L3MBTL4: variants seen among roughly 807,000 people sequenced by gnomAD.
The protein encoded by L3MBTL4 is L3MBTL histone methyl-lysine binding protein 4.
A neutral mutation model predicts 84.5 loss-of-function variants in L3MBTL4; 70 were observed. The ratio of observed to expected loss-of-function variants is 0.83; its 90% CI spans 0.68 to 1.01. L3MBTL4 has a LOEUF of 1.01. Ranked by LOEUF, L3MBTL4 falls within the 50% of genes least tolerant of loss-of-function variation. The pLI is 0.00. For synonymous variants in L3MBTL4, 274 were observed against 259.8 expected, an observed-to-expected ratio of 1.05 and a Z score of -0.52; for missense variants, 715 against 754.8, an observed-to-expected ratio of 0.95 and a Z score of 0.62.
chr18:6,178,363 T>C (rs1456335399), intron 12 of L3MBTL4, among the ~76,000 whole-genome samples: 1 of 152,146 alleles, frequency 6.6e-6, no homozygotes, highest in Non-Finnish European at 1.5e-5. Context: ...ATGAAAGATA[T>C]TTTCATATCT....
chr18:6,398,499 G>A (rs1395576245), intron 1 of L3MBTL4, among the ~76,000 whole-genome samples: 1 of 152,118 alleles, frequency 6.6e-6, no homozygotes, highest in African/African-American at 2.4e-5. Context: ...GGCCTCTCTG[G>A]GGAGCTGAGC....
At chr18:6,313,269 C>G (rs446524) in intron 1 of L3MBTL4, among the ~76,000 whole-genome samples, 27 of 152,250 alleles carry the variant, frequency 1.8e-4, no homozygotes, top group African/African-American at 6.3e-4. Context: ...CTCTGAATTA[C>G]AGAGAAGCCT....
intron 16 of L3MBTL4, among the ~76,000 whole-genome samples, chr18:6,061,771 C>CT (rs1208696066): frequency 6.6e-6 from 1 of 151,818 alleles, no homozygotes; most frequent in Non-Finnish European, 1.5e-5. Context: ...CTTATCATAT[C>CT]AATTATACTT....
At chr18:6,060,009 A>G (rs2057153375) in intron 16 of L3MBTL4, among the ~76,000 whole-genome samples, 1 of 152,240 alleles carries the variant, frequency 6.6e-6, no homozygotes, top group Non-Finnish European at 1.5e-5. Flanking sequence ...AGAAAGTAGT[A>G]GAGTGCTGCA....
chr18:5,974,654 C>T (rs693297), intron 16 of L3MBTL4, among the ~76,000 whole-genome samples: 102,950 of 152,080 alleles, frequency 0.68, 35,768 homozygotes, highest in African/African-American at 0.84. Context: ...GTCTGCTTCC[C>T]ATTCCACAGA....
intron 16 of L3MBTL4, among the ~76,000 whole-genome samples, chr18:6,073,864 T>TA (rs146853369): frequency 2.8e-4 from 42 of 151,878 alleles, no homozygotes; most frequent in Middle Eastern, 6.8e-3. Flanking sequence ...GTTTCTTTGT[T>TA]AAAAAAAAAC....
At chr18:6,196,188 C>T (rs139315884) in intron 12 of L3MBTL4, among the ~76,000 whole-genome samples, 62 of 135,448 alleles carry the variant, frequency 4.6e-4, no homozygotes, top group Middle Eastern at 3.7e-3. Flanking sequence ...GACTGAGTCT[C>T]GCTCTGTTGC....
rs577973879 is a variant in L3MBTL4 at position 6,194,355 on chromosome 18, C to T, written c.981+18794G>A. Among the ~76,000 whole-genome samples, 24 of 152,300 alleles carry T rather than the reference C, an allele frequency of 1.6e-4. 1 individual carries two copies. The South Asian group carries it at 3.1e-3, about 20-fold the overall frequency. ...CGGCAGCCTTCCCGCCTCTGTAAAC[C>T]GGCCTGACGTGAAGCTACATTTGGA... On this transcript the variant is annotated intron_variant, in intron 12 of 18. Coordinates refer to ENST00000317931, the MANE Select transcript of L3MBTL4 (RefSeq NM_001330559.2).
At chr18:6,397,930 C>G (rs866851369) in intron 1 of L3MBTL4, 1 of 152,208 alleles carries the variant, frequency 6.6e-6, no homozygotes, top group South Asian at 2.1e-4. Context: ...CTCCTCTTCA[C>G]TGTGTCCATT....
chr18:6,028,654 C>A (rs2055628836), intron 16 of L3MBTL4, among the ~76,000 whole-genome samples: 1 of 152,162 alleles, frequency 6.6e-6, no homozygotes, highest in East Asian at 1.9e-4. Context: ...GATATTGATT[C>A]TTCCTATCCA....
At chr18:6,241,617 A>G (rs1408197716) in intron 7 of L3MBTL4, among the ~76,000 whole-genome samples, 168 bp from the exon 8 acceptor site, 1 of 152,196 alleles carries the variant, frequency 6.6e-6, no homozygotes, top group Non-Finnish European at 1.5e-5. Flanking sequence ...GTGTCCTGCC[A>G]TAAATTCAAC....
chr18:6,171,713 AT>A, intron 13 of L3MBTL4, 114 bp downstream of exon 13: 1 of 570,788 alleles, frequency 1.8e-6, no homozygotes, highest in Non-Finnish European at 3.1e-6. Context: ...GTAGTGATTA[AT>A]TCGCCTATGT....
intron 16 of L3MBTL4, among the ~76,000 whole-genome samples, chr18:5,976,204 T>A (rs1299612186): frequency 6.6e-6 from 1 of 152,218 alleles, no homozygotes; most frequent in African/African-American, 2.4e-5. Context: ...GATCACTTAG[T>A]AGAAAAAGCA....
In L3MBTL4 at chr18:6,213,157, T is replaced by G; in HGVS notation, c.973A>C (p.Arg325=). ...VATIVDVDDQ[R]VKVHFDGWDH... ...TAATTTAAAATATGTACCTTTACTC[T>G]TTGGTCATCAACATCTACAATCGTA... Residue 325 remains arginine (R), a synonymous_variant, in exon 12 of 19, where the codon AGA becomes CGA. Transcript: ENST00000317931. The G allele has an allele frequency of 6.4e-7, 1 of 1,567,164 alleles. No individual in the cohort carries two copies. Among genetic ancestry groups the G allele is most frequent in the Non-Finnish European group, 8.7e-7 (1 of 1,150,064 alleles).
intron 12 of L3MBTL4, among the ~76,000 whole-genome samples, chr18:6,182,176 T>C (rs1181441047): frequency 6.6e-6 from 1 of 152,220 alleles, no homozygotes; most frequent in African/African-American, 2.4e-5. Flanking sequence ...TTTTTGACTT[T>C]TTAATAATAG....
chr18:6,005,567 C>T (rs1045452369), intron 16 of L3MBTL4, among the ~76,000 whole-genome samples: 1 of 152,160 alleles, frequency 6.6e-6, no homozygotes, highest in East Asian at 1.9e-4. Context: ...TTAGCTCCCA[C>T]TAATAAGTGA....
intron 4 of L3MBTL4, among the ~76,000 whole-genome samples, chr18:6,297,532 A>AT (rs2050157017): frequency 6.6e-6 from 1 of 152,124 alleles, no homozygotes; most frequent in African/African-American, 2.4e-5. Flanking sequence ...TAATCCTAAA[A>AT]TTTTTCCAAA....
At chr18:6,235,414 G>C (rs1230568599) in intron 10 of L3MBTL4, among the ~76,000 whole-genome samples, 1 of 151,840 alleles carries the variant, frequency 6.6e-6, no homozygotes, top group African/African-American at 2.4e-5. Flanking sequence ...ATAACCAAAA[G>C]GTACAACTAA....
chr18:6,230,518 T>G (rs982462187), intron 10 of L3MBTL4, among the ~76,000 whole-genome samples: 1 of 152,160 alleles, frequency 6.6e-6, no homozygotes, highest in African/African-American at 2.4e-5. Context: ...GTCTTTGAGA[T>G]TGTGAATAGC....
Sources: gnomAD v4.1 joint callset for allele counts (sites outside exome capture counted in the v4.1 genomes callset) on GRCh38, gnomAD v4.1.1 for gene constraint, MANE v1.5 for transcripts, NCBI Gene and HGNC (gene_info 2026-07-23, HGNC 2026-07-21) for gene names.